NMT1: variants seen among roughly 807,000 people sequenced by gnomAD.
The protein encoded by NMT1 is glycylpeptide N-tetradecanoyltransferase 1.
A neutral mutation model predicts 63.4 loss-of-function variants in NMT1; 12 were observed. That is an observed-to-expected ratio of 0.19 (90% CI 0.12 to 0.31). The LOEUF (loss-of-function observed/expected upper bound fraction) is 0.31. NMT1 is among the 10% of genes least tolerant of loss of function. NMT1 has a pLI of 1.00. For missense variants in NMT1, 432 were observed against 634.6 expected (o/e 0.68, Z 3.43); for synonymous variants, 228 against 234.3 (o/e 0.97, Z 0.25).
At chr17:45,084,794 GTCAGGAGCTACTC>G (rs1352441121) in intron 2 of NMT1, among the ~76,000 whole-genome samples, 1 of 152,014 alleles carries the variant, frequency 6.6e-6, no homozygotes, top group Non-Finnish European at 1.5e-5. Flanking sequence ...AATGGTGAGG[GTCAGGAGCTACTC>G]TCATACACTG....
At position 45,061,371 on chromosome 17, in the gene NMT1, T is replaced by A. The variant is rs1890623183; in HGVS notation, c.42T>A (p.Pro14=). 7 of 1,613,878 alleles carry A rather than the reference T, an allele frequency of 4.3e-6. No individual in the cohort carries two copies. The highest frequency in any genetic ancestry group is 5.9e-6 in the Non-Finnish European group (7 of 1,179,960). ...AGACAGCAGTGAAGCCGCCGGCACC[T>A]CCGCTGCCGCAGATGATGGAAGGGA... ...ESETAVKPPA[P]PLPQMMEGNG... is the part of the protein sequence containing the mutation. The change falls in exon 1 of 12, where the codon CCT becomes CCA. Residue 14 remains proline (P), a synonymous_variant. Transcript: ENST00000258960.
At chr17:45,088,731 G>A (rs1007074116) in intron 3 of NMT1, among the ~76,000 whole-genome samples, 3 of 151,436 alleles carry the variant, frequency 2.0e-5, no homozygotes, top group Non-Finnish European at 2.9e-5. Flanking sequence ...TCCAGCCTGG[G>A]CAGCAGAGCA....
At position 45,086,484 on chromosome 17, in the gene NMT1, T is replaced by C. The variant is rs1008778961; in HGVS notation, c.241-24T>C. On this transcript the variant is annotated intron_variant, in intron 2 of 11. Coordinates refer to ENST00000258960, the MANE Select transcript of NMT1 (RefSeq NM_021079.5). ...TCTTACTAACATAATGGGCCTTTTT[T>C]CTCCCCAACTTTGTCTTGTCCAGAT... The C allele has an allele frequency of 3.8e-6, 6 of 1,587,584 alleles. No homozygotes were observed. The Admixed American group carries it at 7.6e-5, about 20-fold the overall frequency.
chr17:45,071,848 C>T (rs76060698), intron 1 of NMT1, among the ~76,000 whole-genome samples: 6,688 of 152,308 alleles, frequency 0.044, 214 homozygotes, highest in Middle Eastern at 0.082. Context: ...ATCCTCCCGC[C>T]TCAGCTTCCT....
chr17:45,102,174 A>G (rs891006912), intron 8 of NMT1, among the ~76,000 whole-genome samples: 1 of 152,232 alleles, frequency 6.6e-6, no homozygotes, highest in Non-Finnish European at 1.5e-5. Context: ...CAATTCCTGC[A>G]CTGGGAAGCA....
chr17:45,065,925 TAG>T (rs2053899943), intron 1 of NMT1, among the ~76,000 whole-genome samples: 1 of 151,280 alleles, frequency 6.6e-6, no homozygotes, highest in Non-Finnish European at 1.5e-5. Context: ...TTGCTCAGAC[TAG>T]TCTCAAACTC....
intron 1 of NMT1, among the ~76,000 whole-genome samples, chr17:45,066,740 G>A (rs1464501370): frequency 1.3e-5 from 2 of 151,826 alleles, no homozygotes; most frequent in Non-Finnish European, 2.9e-5. Flanking sequence ...TTGGAAACAG[G>A]GCCTCGCTCT....
chr17:45,083,243 C>T (rs1018096499), intron 2 of NMT1, among the ~76,000 whole-genome samples: 2 of 151,446 alleles, frequency 1.3e-5, no homozygotes. Flanking sequence ...CACTTGAACC[C>T]AGGCGGCAGA....
chr17:45,102,369 C>T (rs547199001), intron 8 of NMT1, among the ~76,000 whole-genome samples: 10 of 152,314 alleles, frequency 6.6e-5, no homozygotes, highest in East Asian at 1.9e-4. Context: ...CCGGGTGGGA[C>T]GCTGACTGGG....
At chr17:45,065,564 C>T (rs955714537) in intron 1 of NMT1, among the ~76,000 whole-genome samples, 1 of 143,000 alleles carries the variant, frequency 7.0e-6, no homozygotes, top group African/African-American at 2.6e-5. Context: ...GCGGAGCTTG[C>T]AGTGAGCCGA....
At chr17:45,069,806 G>A (rs2053928121) in intron 1 of NMT1, among the ~76,000 whole-genome samples, 1 of 149,904 alleles carries the variant, frequency 6.7e-6, no homozygotes, top group African/African-American at 2.5e-5. Context: ...CTTCATGATA[G>A]ACAAATATTA....
At chr17:45,061,636 C>G (rs1372507659) in intron 1 of NMT1, 176 bp downstream of exon 1, 2 of 589,288 alleles carry the variant, frequency 3.4e-6, no homozygotes, top group Non-Finnish European at 6.0e-6. Flanking sequence ...AGGGTGGGTG[C>G]TCTGGATATT....
In NMT1 at chr17:45,105,918, C is replaced by T. The variant is rs2054200217; in HGVS notation, c.*279C>T. ...GGAATGTAACTGCTGAAAACTAGCT[C>T]GTGATTGGCATATAATGGAGTTAAC... On this transcript the variant is annotated 3_prime_UTR_variant, in exon 12 of 12. Transcript: ENST00000258960. The surrounding 1 kb of genome is among the most constrained non-coding windows in gnomAD (Gnocchi z 4.2). 5.5e-6 allele frequency: 2 copies of T among 366,414 alleles called. No homozygotes were observed. Among genetic ancestry groups the T allele is most frequent in the South Asian group, 4.7e-5 (1 of 21,198 alleles). 22.7% of individuals were successfully genotyped at this position (366,414 alleles called of 1,614,324 possible). A position where few individuals can be genotyped will look rare whatever the true frequency, so the allele number is the denominator to read the frequency against.
Position 45,088,792 on chromosome 17 carries a change from G to T in NMT1, c.385+2140G>T, listed in dbSNP as rs58806152. Among the ~76,000 whole-genome samples the T allele has an allele frequency of 3.3e-5, 5 of 151,578 alleles. No individual in the cohort carries two copies. In the South Asian group the frequency reaches 1.0e-3, roughly 32 times the overall value. ...AAAAAAAAAAAAAAGAGGCAGCTTG[G>T]GATTAATTTGCTTCTGTTCCTCTTC... is the stretch of plus-strand genomic sequence containing the variant. On this transcript the variant is annotated intron_variant, in intron 3 of 11. Transcript: ENST00000258960.
chr17:45,099,506 T>C lies in NMT1; in HGVS notation c.986T>C (p.Leu329Pro), dbSNP rs1193969791. ...CAGCGCACCATGAAGCTCTACCGAC[T>C]GCCAGAGGCCAGTGCTGCCCCGGGT... ...TMQRTMKLYR[L>P]PETPKTAGLR... is the part of the protein sequence containing the mutation. Residue 329 changes from leucine to proline, a missense_variant, in exon 8 of 12, where the codon CTG (leucine) becomes CCG (proline). Coordinates refer to ENST00000258960, the MANE Select transcript of NMT1 (RefSeq NM_021079.5). The C allele has an allele frequency of 6.2e-7, 1 of 1,612,334 alleles. No individual in the cohort carries two copies. Among genetic ancestry groups the C allele is most frequent in the Non-Finnish European group, 8.5e-7 (1 of 1,178,502 alleles).
At chr17:45,102,434 C>T (rs750572479) in intron 8 of NMT1, among the ~76,000 whole-genome samples, 2 of 152,186 alleles carry the variant, frequency 1.3e-5, no homozygotes, top group Admixed American at 6.5e-5. Flanking sequence ...ACAGCCGTGT[C>T]TCTCTGGGAA....
rs961353095 is a variant in NMT1, at chr17:45,098,817, G to A, written c.884+265G>A. The A allele has an allele frequency of 5.3e-5, 22 of 416,182 alleles. No individual in the cohort carries two copies. The Admixed American group carries it at 7.8e-4, about 15-fold the overall frequency. The allele number at this position is 416,182 out of a possible 1,614,324, so 25.8% of individuals were successfully genotyped here. ...CTGCCATTTGGAGATGGTGGGGGGCGGTACTGGTGGTTTGTTTTTGTTTTT... is the reference window on the plus strand; with the variant it reads ...CTGCCATTTGGAGATGGTGGGGGGCAGTACTGGTGGTTTGTTTTTGTTTTT... On this transcript the variant is annotated intron_variant, in intron 7 of 11. Transcript: ENST00000258960.
chr17:45,086,868 A>G (rs2054058238), intron 3 of NMT1, among the ~76,000 whole-genome samples: 1 of 152,084 alleles, frequency 6.6e-6, no homozygotes, highest in Non-Finnish European at 1.5e-5. Context: ...GAGAACAAAT[A>G]ATGATTCTTG....
Position 45,093,667 on chromosome 17 carries a change from G to A in NMT1, c.386-18G>A, listed in dbSNP as rs1384278527. 1 of 1,609,722 alleles carries A rather than the reference G, an allele frequency of 6.2e-7. No homozygotes were observed. The highest frequency in any genetic ancestry group is 1.1e-5 in the South Asian group (1 of 90,960). ...GAGGGGGCAAAGGGTGAGGCTCACA[G>A]CTGTGCTCTTCTTTCAGGCGAAGTG... On this transcript the variant is annotated intron_variant, in intron 3 of 11. Coordinates refer to ENST00000258960, the MANE Select transcript of NMT1 (RefSeq NM_021079.5).
Sources: gnomAD v4.1 joint callset for allele counts (sites outside exome capture counted in the v4.1 genomes callset) on GRCh38, gnomAD v4.1.1 for gene constraint, Gnocchi (gnomAD v3.1) non-coding constraint, MANE v1.5 for transcripts, NCBI Gene and HGNC (gene_info 2026-07-23, HGNC 2026-07-21) for gene names.